The following ORM2 variants were observed in gnomAD, a reference collection of about 807,000 sequenced individuals.
ORM2 encodes alpha-1-acid glycoprotein 2.
A neutral mutation model predicts 26.8 loss-of-function variants in ORM2; 19 were observed. The ratio of observed to expected loss-of-function variants is 0.71; its 90% CI spans 0.49 to 1.04. The LOEUF is 1.04. Among genes scored for constraint, ORM2 ranks in the 50% least tolerant of loss-of-function variants. The pLI, the probability that ORM2 is intolerant of heterozygous loss-of-function variation, is 0.00. For synonymous variants in ORM2, 94 were observed against 100.0 expected (o/e 0.94, Z 0.36); for missense variants, 259 against 244.9 (o/e 1.06, Z -0.39).
intron 5 of ORM2, among the ~76,000 whole-genome samples, chr9:114,332,660 TG>T (rs1829877043): frequency 6.6e-6 from 1 of 152,040 alleles, no homozygotes; most frequent in Non-Finnish European, 1.5e-5. Flanking sequence ...ACGCAACCAC[TG>T]TAGTCAGCTC....
rs753718749 is a variant in ORM2, at chr9:114,330,586, C to T, written c.257+10C>T. On this transcript the variant is annotated intron_variant, in intron 2 of 5. Transcript: ENST00000431067. ...GAGAGTACCAGACCCGGTGAGAGCC[C>T]CCATTCCAATGCACCCCCATCTCAG... 1.2e-6 allele frequency: 2 copies of T among 1,612,618 alleles called. No individual in the cohort carries two copies. Among genetic ancestry groups the T allele is most frequent in the Non-Finnish European group, 1.7e-6 (2 of 1,179,838 alleles).
At position 114,331,657 on chromosome 9, in the gene ORM2, G is replaced by C; in HGVS notation, c.419G>C (p.Trp140Ser). 1.2e-6 allele frequency: 2 copies of C among 1,613,702 alleles called. No homozygotes were observed. Among genetic ancestry groups the C allele is most frequent in the Non-Finnish European group, 1.7e-6 (2 of 1,179,780 alleles). ...TCCTACCTGGACGATGAGAAGAACT[G>C]GGGGCTGTCTTTCTATGGTAGGCAT... ...FGSYLDDEKN[W>S]GLSFYADKPE... Residue 140 changes from tryptophan to serine, a missense_variant, in exon 4 of 6, where the codon TGG becomes TCG. By Grantham distance (177) the Trp-to-Ser change is radical. This residue lies in a region of ORM2 where 251 missense variants were observed against 220.5 expected (regional missense o/e 1.14). Transcript: ENST00000431067.
chr9:114,331,208 C>T (rs552792959), intron 3 of ORM2, among the ~76,000 whole-genome samples: 3 of 152,182 alleles, frequency 2.0e-5, no homozygotes, highest in East Asian at 1.9e-4. Context: ...AGAGGTGGTA[C>T]CTTCAACTAT....
intron 5 of ORM2, among the ~76,000 whole-genome samples, chr9:114,332,298 C>T (rs1048014783): frequency 6.6e-6 from 1 of 152,130 alleles, no homozygotes; most frequent in Non-Finnish European, 1.5e-5. Flanking sequence ...TTTTAATACC[C>T]GTGCAGTGGG....
intron 1 of ORM2, 57 bp downstream of exon 1, chr9:114,330,075 G>A (rs1829826162): frequency 6.2e-7 from 1 of 1,611,134 alleles, no homozygotes; most frequent in Non-Finnish European, 8.5e-7. Flanking sequence ...CCCTTCTCTG[G>A]GCTTCCCTTT....
chr9:114,330,831 C>T lies in ORM2; in HGVS notation c.297C>T (p.Val99=), dbSNP rs201669865. The part of the protein sequence containing the change: ...QCFYNSSYLN[V]QRENGTVSRY... ...TCTATAACTCCAGTTACCTGAATGT[C>T]CAGCGGGAGAATGGGACCGTCTCCA... Residue 99 remains valine, a synonymous_variant, in exon 3 of 6, where the codon GTC becomes GTT. Transcript: ENST00000431067. 8.6e-5 allele frequency: 138 copies of T among 1,613,768 alleles called. No homozygotes were observed. The highest frequency in any genetic ancestry group is 1.1e-4 in the Non-Finnish European group (132 of 1,179,970).
rs764026440 is a variant in ORM2, at chr9:114,330,585, C to T, written c.257+9C>T. ...AGAGAGTACCAGACCCGGTGAGAGC[C>T]CCCATTCCAATGCACCCCCATCTCA... On this transcript the variant is annotated intron_variant, in intron 2 of 5. Coordinates refer to ENST00000431067, the MANE Select transcript of ORM2 (RefSeq NM_000608.4). 8 of 1,612,488 alleles carry T rather than the reference C, an allele frequency of 5.0e-6. No individual in the cohort carries two copies. The highest frequency in any genetic ancestry group is 1.6e-4 in the Middle Eastern group (1 of 6,084).
At chr9:114,331,004 GA>G in intron 3 of ORM2, 142 bp downstream of exon 3, 1 of 655,386 alleles carries the variant, frequency 1.5e-6, no homozygotes, top group South Asian at 1.9e-5. Flanking sequence ...CACGTGCTCA[GA>G]AAAAATCCCT....
In ORM2 at chr9:114,330,767, T is replaced by C. The variant is rs932045549; in HGVS notation, c.258-25T>C. ...TTCTCCTCGATAACATTACTGTTTT[T>C]CTTCCGCCTTCTGGTTGACTTTAGC... On this transcript the variant is annotated intron_variant, in intron 2 of 5. Coordinates refer to ENST00000431067, the MANE Select transcript of ORM2 (RefSeq NM_000608.4). 22 of 1,612,182 alleles carry C rather than the reference T, an allele frequency of 1.4e-5. 1 individual carries two copies. The highest frequency in any genetic ancestry group is 9.4e-5 in the African/African-American group (7 of 74,686).
chr9:114,331,453 G>C, intron 3 of ORM2, 114 bp from the exon 4 acceptor site: 1 of 806,468 alleles, frequency 1.2e-6, no homozygotes, highest in Non-Finnish European at 2.0e-6. Context: ...AAGGAGACCC[G>C]GGCCTTCACT....
chr9:114,331,905 T>C lies in ORM2; in HGVS notation c.516T>C (p.Asp172=), dbSNP rs767367312. 12 of 1,613,738 alleles carry C rather than the reference T, an allele frequency of 7.4e-6. No individual in the cohort carries two copies. Among genetic ancestry groups the C allele is most frequent in the Middle Eastern group, 1.6e-4 (1 of 6,080 alleles). Reference sequence around the variant, plus strand: ...ACTGCTTGTGCATTCCCAGGTCAGATGTCATGTACACCGACTGGAAAAAGG... The same window carrying C: ...ACTGCTTGTGCATTCCCAGGTCAGACGTCATGTACACCGACTGGAAAAAGG... The part of the protein sequence containing the change: ...ALDCLCIPRS[D]VMYTDWKKDK... The change falls in exon 5 of 6, where the codon GAT becomes GAC. Residue 172 remains aspartate (D), a synonymous_variant. Transcript: ENST00000431067.
chr9:114,330,794 AG>A lies in ORM2; in HGVS notation c.261del (p.Asn88ThrfsTer10). On this transcript the variant is annotated frameshift_variant, in exon 3 of 6. Transcript: ENST00000431067. LOFTEE classifies it high-confidence loss of function. Reference sequence around the variant, plus strand: ...TTCCGCCTTCTGGTTGACTTTAGCCAGAACCAGTGCTTCTATAACTCCAGTT... The same window carrying A: ...TTCCGCCTTCTGGTTGACTTTAGCCAAACCAGTGCTTCTATAACTCCAGTT... ...TIFLREYQTR[Q>X]NQCFYNSSYL... The A allele has an allele frequency of 6.2e-7, 1 of 1,613,886 alleles. No homozygotes were observed. The highest frequency in any genetic ancestry group is 1.3e-5 in the African/African-American group (1 of 74,908).
In ORM2 at chr9:114,329,930, T is replaced by C; in HGVS notation, c.26T>C (p.Val9Ala). ...ATGGCGCTGTCCTGGGTTCTTACAG[T>C]CCTGAGCCTCCTACCTCTGCTGGAA... MALSWVLT[V>A]LSLLPLLEAQ... Residue 9 changes from valine to alanine, a missense_variant, in exon 1 of 6, where the codon GTC (valine) becomes GCC (alanine). Val to Ala is a moderately conservative substitution (Grantham distance 64). Coordinates refer to ENST00000431067, the MANE Select transcript of ORM2 (RefSeq NM_000608.4). 1.4e-6 allele frequency: 2 copies of C among 1,474,114 alleles called. No homozygotes were observed. Among genetic ancestry groups the C allele is most frequent in the Non-Finnish European group, 1.8e-6 (2 of 1,107,276 alleles). 91.3% of individuals were successfully genotyped at this position (1,474,114 alleles called of 1,614,324 possible).
At position 114,331,535 on chromosome 9, in the gene ORM2, G is replaced by A. The variant is rs563042236; in HGVS notation, c.329-32G>A. The A allele has an allele frequency of 7.3e-5, 114 of 1,566,372 alleles. No homozygotes were observed. In the South Asian group the frequency reaches 1.1e-3, roughly 16 times the overall value. On this transcript the variant is annotated intron_variant, in intron 3 of 5. Coordinates refer to ENST00000431067, the MANE Select transcript of ORM2 (RefSeq NM_000608.4). ...GACAGGCACCATTGTGCCATCCCAT[G>A]TTCTCACCCAGAGGCTCTTTTTCTC...
chr9:114,332,833 A>G (rs1829881303), intron 5 of ORM2, among the ~76,000 whole-genome samples: 1 of 152,182 alleles, frequency 6.6e-6, no homozygotes, highest in African/African-American at 2.4e-5. Context: ...TGCTCAGTAA[A>G]TGCCAGTGGT....
Position 114,331,678 on chromosome 9 carries a change from G to A in ORM2, c.436+4G>A, listed in dbSNP as rs376454821. The A allele has an allele frequency of 6.2e-7, 1 of 1,611,272 alleles. No homozygotes were observed. Among genetic ancestry groups the A allele is most frequent in the Non-Finnish European group, 8.5e-7 (1 of 1,177,822 alleles). ...AACTGGGGGCTGTCTTTCTATGGTAGGCATGCTTAGCAGCCCCAAACTCAT... is the reference window on the plus strand; with the variant it reads ...AACTGGGGGCTGTCTTTCTATGGTAAGCATGCTTAGCAGCCCCAAACTCAT... On this transcript the variant is annotated splice_donor_region_variant and intron_variant, in intron 4 of 5. Transcript: ENST00000431067.
At position 114,330,744 on chromosome 9, in the gene ORM2, C is replaced by T. The variant is rs116608376; in HGVS notation, c.258-48C>T. On this transcript the variant is annotated intron_variant, in intron 2 of 5. Transcript: ENST00000431067. ...GACTGTGATGGGCGATTGGCCACTT[C>T]TCCTCGATAACATTACTGTTTTTCT... The T allele has an allele frequency of 4.6e-3, 7,415 of 1,605,146 alleles. 392 individuals carry two copies. In the African/African-American group the frequency reaches 0.086, roughly 19 times the overall value.
Position 114,330,815 on chromosome 9 carries a change from C to T in ORM2, c.281C>T (p.Ser94Phe), listed in dbSNP as rs773143009. ...AGCCAGAACCAGTGCTTCTATAACT[C>T]CAGTTACCTGAATGTCCAGCGGGAG... ...QTRQNQCFYN[S>F]SYLNVQRENG... Residue 94 changes from serine to phenylalanine, a missense_variant, in exon 3 of 6, where the codon TCC becomes TTC. Physicochemically the swap from Ser to Phe is radical, Grantham distance 155. Transcript: ENST00000431067. 6.2e-7 allele frequency: 1 copy of T among 1,613,998 alleles called. No homozygotes were observed. The highest frequency in any genetic ancestry group is 8.5e-7 in the Non-Finnish European group (1 of 1,179,986).
chr9:114,329,874 T>G lies in ORM2; in HGVS notation c.-31T>G. The G allele has an allele frequency of 9.2e-7, 1 of 1,088,880 alleles. No homozygotes were observed. Among genetic ancestry groups the G allele is most frequent in the Non-Finnish European group, 1.3e-6 (1 of 796,236 alleles). The allele number at this position is 1,088,880 out of a possible 1,614,324, so 67.5% of individuals were successfully genotyped here. A position where few individuals can be genotyped will look rare whatever the true frequency, so the allele number is the denominator to read the frequency against. On this transcript the variant is annotated 5_prime_UTR_variant, in exon 1 of 6. Transcript: ENST00000431067. ...GACTGCACCCTGCAGCCACCAGCACTGCCTGGCTCCACGTGCCTCCTGGTC... is the reference window on the plus strand; with the variant it reads ...GACTGCACCCTGCAGCCACCAGCACGGCCTGGCTCCACGTGCCTCCTGGTC...
Sources: allele counts gnomAD v4.1 joint callset (sites outside exome capture counted in the v4.1 genomes callset), GRCh38; gene constraint gnomAD v4.1.1; regional missense constraint gnomAD v4.1.1; transcripts MANE v1.5; gene names NCBI Gene and HGNC (gene_info 2026-07-23, HGNC 2026-07-21).